The following PDE8B variants were observed in gnomAD, a reference collection of about 807,000 sequenced individuals.
PDE8B encodes the protein high affinity cAMP-specific and IBMX-insensitive 3',5'-cyclic phosphodiesterase 8B.
Under a neutral mutation model 101.3 loss-of-function variants are expected in PDE8B, and 26 were observed. The ratio of observed to expected loss-of-function variants is 0.26; its 90% CI spans 0.19 to 0.36. The LOEUF is 0.36. Ranked by LOEUF, PDE8B falls within the 10% of genes least tolerant of loss-of-function variation. The pLI is 1.00. For missense variants in PDE8B, 810 were observed against 1,163.1 expected (o/e 0.70, Z 4.42); for synonymous variants, 424 against 429.3 (o/e 0.99, Z 0.15).
chr5:77,408,875 C>G lies in PDE8B; in HGVS notation c.1366-18C>G. Reference sequence around the variant, plus strand: ...GAACCCTATTATCCTCAGATGTATTCTTTCTTCACTCCGTTAGGTTATAAA... The same window carrying G: ...GAACCCTATTATCCTCAGATGTATTGTTTCTTCACTCCGTTAGGTTATAAA... On this transcript the variant is annotated intron_variant, in intron 13 of 21. Transcript: ENST00000264917. The G allele has an allele frequency of 1.9e-6, 3 of 1,604,530 alleles. No homozygotes were observed. The highest frequency in any genetic ancestry group is 2.6e-6 in the Non-Finnish European group (3 of 1,171,246).
chr5:77,206,307 A>G (rs999948105), upstream of PDE8B, among the ~76,000 whole-genome samples: 1 of 152,216 alleles, frequency 6.6e-6, no homozygotes, highest in African/African-American at 2.4e-5. Context: ...GACAATAAAC[A>G]TAATAGTAAG....
intron 10 of PDE8B, among the ~76,000 whole-genome samples, chr5:77,386,793 A>G (rs941879261): frequency 7.2e-6 from 1 of 138,198 alleles, no homozygotes; most frequent in Non-Finnish European, 1.6e-5. Context: ...AAAGGTTAAT[A>G]TTGTTATGTG....
the PDE8B span, among the ~76,000 whole-genome samples, chr5:77,138,823 A>G: frequency 7.2e-5 from 11 of 152,222 alleles, no homozygotes; most frequent in African/African-American, 2.4e-5. Context: ...TCTTTTAAAC[A>G]TTAGCCATAA....
intron 9 of PDE8B, among the ~76,000 whole-genome samples, chr5:77,351,796 G>T (rs971437178): frequency 1.3e-5 from 2 of 152,098 alleles, no homozygotes; most frequent in Non-Finnish European, 2.9e-5. Flanking sequence ...CAGCCTGAAG[G>T]TCAACACCAG....
chr5:77,122,509 TA>T, the PDE8B span, among the ~76,000 whole-genome samples: 1 of 152,208 alleles, frequency 6.6e-6, no homozygotes, highest in Non-Finnish European at 1.5e-5. Flanking sequence ...CAGCAGAACC[TA>T]GGCTCATTTG....
Position 77,344,877 on chromosome 5 carries a change from A to G in PDE8B, c.822A>G (p.Ala274=). 1 of 1,610,914 alleles carries G rather than the reference A, an allele frequency of 6.2e-7. No homozygotes were observed. ...GGGCCTGTAATTCAGTGTTTACAGCATTAGATCACTGTCATGAAGCCATAG... is the reference window on the plus strand; with the variant it reads ...GGGCCTGTAATTCAGTGTTTACAGCGTTAGATCACTGTCATGAAGCCATAG... ...KLRACNSVFT[A]LDHCHEAIEI... The change falls in exon 7 of 22, where the codon GCA becomes GCG. Residue 274 remains alanine, a synonymous_variant. Transcript: ENST00000264917.
chr5:77,288,555 A>G (rs1001971620), intron 1 of PDE8B, among the ~76,000 whole-genome samples: 1 of 152,216 alleles, frequency 6.6e-6, no homozygotes, highest in African/African-American at 2.4e-5. Flanking sequence ...CCAGGGTCAT[A>G]CAGACCCTGA....
chr5:77,249,379 A>T (rs1757597880), intron 1 of PDE8B, among the ~76,000 whole-genome samples: 1 of 152,248 alleles, frequency 6.6e-6, no homozygotes, highest in African/African-American at 2.4e-5. Flanking sequence ...TGAATGAGTT[A>T]TCTAAAGCCA....
At chr5:77,309,347 C>T (rs1772016932) in intron 1 of PDE8B, among the ~76,000 whole-genome samples, 1 of 152,122 alleles carries the variant, frequency 6.6e-6, no homozygotes, top group South Asian at 2.1e-4. Context: ...AGCCTGTGCC[C>T]TTCTTGCAGG....
chr5:77,402,948 A>G (rs1404232180), intron 11 of PDE8B, among the ~76,000 whole-genome samples: 1 of 151,990 alleles, frequency 6.6e-6, no homozygotes, highest in Non-Finnish European at 1.5e-5. Context: ...TCTTTTTTTT[A>G]TTCTTGGAAT....
At chr5:77,310,885 T>C (rs909434115) in intron 1 of PDE8B, among the ~76,000 whole-genome samples, 1 of 152,142 alleles carries the variant, frequency 6.6e-6, no homozygotes, top group Non-Finnish European at 1.5e-5. Flanking sequence ...GCACCAGCAC[T>C]AAGAGTTAAG....
At chr5:77,170,196 G>C in the PDE8B span, among the ~76,000 whole-genome samples, 1 of 152,172 alleles carries the variant, frequency 6.6e-6, no homozygotes, top group East Asian at 1.9e-4. Flanking sequence ...TTAAACCAAA[G>C]GAAGCATAGG....
chr5:77,325,573 G>C lies in PDE8B; in HGVS notation c.434G>C (p.Ser145Thr). Residue 145 changes from serine to threonine, a missense_variant, in exon 3 of 22, where the codon AGC (serine) becomes ACC (threonine). Physicochemically the swap from Ser to Thr is moderately conservative, Grantham distance 58. Coordinates refer to ENST00000264917, the MANE Select transcript of PDE8B (RefSeq NM_003719.5). The stretch of plus-strand genomic sequence containing the variant: ...ATCTTTGCAAAGGAAGATAGTCAGA[G>C]CGATGGCTTCTGGTGGGCCTGCGAC... Reference protein sequence around the residue: ...LLIFAKEDSQSDGFWWACDRA... With the variant: ...LLIFAKEDSQTDGFWWACDRA... 2 of 1,614,120 alleles carry C rather than the reference G, an allele frequency of 1.2e-6. No individual in the cohort carries two copies. The highest frequency in any genetic ancestry group is 1.7e-6 in the Non-Finnish European group (2 of 1,179,974).
intron 15 of PDE8B, 75 bp from the exon 16 acceptor site, chr5:77,412,025 G>C: frequency 2.0e-6 from 3 of 1,467,662 alleles, no homozygotes; most frequent in Non-Finnish European, 2.9e-6. Context: ...TAGTAACTAT[G>C]AAGATGATGA....
the PDE8B span, among the ~76,000 whole-genome samples, chr5:77,201,197 C>CT: frequency 6.6e-6 from 1 of 152,214 alleles, no homozygotes; most frequent in East Asian, 1.9e-4. Context: ...GAGCAAAAAA[C>CT]TAGCATCACT....
chr5:77,114,822 T>A, the PDE8B span: 2 of 152,212 alleles, frequency 1.3e-5, no homozygotes, highest in African/African-American at 4.8e-5. Context: ...TGCTTTAAAA[T>A]GCAAGTTGAT....
chr5:77,104,781 G>A, the PDE8B span: 4 of 152,170 alleles, frequency 2.6e-5, no homozygotes, highest in South Asian at 2.1e-4. Flanking sequence ...TTTTGGTTTT[G>A]GTTTGAGTGA....
chr5:77,310,002 C>T (rs192825750), intron 1 of PDE8B, among the ~76,000 whole-genome samples: 1,440 of 115,028 alleles, frequency 0.013, 19 homozygotes, highest in African/African-American at 0.045. Flanking sequence ...CAGGCTGGAG[C>T]GCAATGGCAC....
chr5:77,110,224 C>T, the PDE8B span, among the ~76,000 whole-genome samples: 1 of 151,980 alleles, frequency 6.6e-6, no homozygotes, highest in South Asian at 2.1e-4. Context: ...CAGGTGTGAG[C>T]CACCGTGTCC....
Sources: gnomAD v4.1 joint callset for allele counts (sites outside exome capture counted in the v4.1 genomes callset) on GRCh38, gnomAD v4.1.1 for gene constraint, MANE v1.5 for transcripts, NCBI Gene and HGNC (gene_info 2026-07-23, HGNC 2026-07-21) for gene names.